Variants in SYNDIG1 observed in about 807,000 individuals in gnomAD.
The protein encoded by SYNDIG1 is synapse differentiation inducing 1.
A neutral mutation model predicts 19.4 loss-of-function variants in SYNDIG1; 9 were observed. That is an observed-to-expected ratio of 0.46 (90% CI 0.28 to 0.81). SYNDIG1 has a LOEUF of 0.81. SYNDIG1 is among the 30% of genes least tolerant of loss of function. The probability of loss-of-function intolerance (pLI) is 0.12; values close to 1 mark genes in which losing one functional copy is unlikely to be tolerated. For synonymous variants in SYNDIG1, 141 were observed against 145.9 expected (o/e 0.97, Z 0.24); for missense variants, 311 against 343.3 (o/e 0.91, Z 0.74).
intron 1 of SYNDIG1, among the ~76,000 whole-genome samples, chr20:24,541,998 C>T (rs1408524928): frequency 6.6e-6 from 1 of 151,932 alleles, no homozygotes; most frequent in Non-Finnish European, 1.5e-5. Context: ...TACCAGCAAA[C>T]GTGGAAGGAA....
intron 3 of SYNDIG1, among the ~76,000 whole-genome samples, chr20:24,617,942 G>A (rs1342411622): frequency 2.7e-5 from 4 of 146,728 alleles, no homozygotes; most frequent in South Asian, 2.2e-4. Flanking sequence ...GGAGTGGGGA[G>A]AGCCTGGGGA....
chr20:24,533,485 C>T (rs1273740640), intron 1 of SYNDIG1, among the ~76,000 whole-genome samples: 1 of 152,098 alleles, frequency 6.6e-6, no homozygotes, highest in Non-Finnish European at 1.5e-5. Flanking sequence ...GGCTTGTTGA[C>T]AATAGTCTGA....
At chr20:24,621,160 T>A (rs2059032347) in intron 3 of SYNDIG1, among the ~76,000 whole-genome samples, 1 of 152,262 alleles carries the variant, frequency 6.6e-6, no homozygotes, top group Non-Finnish European at 1.5e-5. Flanking sequence ...TGCAGCCTGA[T>A]GTTTTGTATG....
intron 3 of SYNDIG1, among the ~76,000 whole-genome samples, chr20:24,610,133 C>T (rs1467421968): frequency 6.6e-6 from 1 of 152,178 alleles, no homozygotes; most frequent in Non-Finnish European, 1.5e-5. Flanking sequence ...CAGGTGAAAA[C>T]ATGGAAATTG....
intron 1 of SYNDIG1, among the ~76,000 whole-genome samples, chr20:24,514,690 T>C (rs1219402185): frequency 6.6e-6 from 1 of 151,980 alleles, no homozygotes; most frequent in South Asian, 2.1e-4. Flanking sequence ...ACTTTAACAC[T>C]CCACTGTCAA....
chr20:24,638,981 C>T (rs534893787), intron 3 of SYNDIG1, among the ~76,000 whole-genome samples: 1 of 152,306 alleles, frequency 6.6e-6, no homozygotes, highest in South Asian at 2.1e-4. Context: ...CCTGCTGGGC[C>T]TCCCTGCCAG....
At chr20:24,571,820 T>G (rs938572215) in intron 2 of SYNDIG1, among the ~76,000 whole-genome samples, 2 of 152,224 alleles carry the variant, frequency 1.3e-5, no homozygotes, top group Admixed American at 6.5e-5. Flanking sequence ...CATTGACAGT[T>G]TTTTTGAAGA....
At chr20:24,660,254 A>T (rs957186933) in intron 3 of SYNDIG1, among the ~76,000 whole-genome samples, 1 of 152,244 alleles carries the variant, frequency 6.6e-6, no homozygotes, top group Admixed American at 6.5e-5. Context: ...ATAAATGTCC[A>T]CTCATTTACG....
intron 3 of SYNDIG1, among the ~76,000 whole-genome samples, chr20:24,597,983 A>G (rs1405161358): frequency 1.3e-5 from 2 of 152,204 alleles, no homozygotes; most frequent in East Asian, 1.9e-4. Flanking sequence ...TAATAAGCTG[A>G]CATCAATCGT....
chr20:24,475,915 C>A (rs2055609638), intron 1 of SYNDIG1, among the ~76,000 whole-genome samples: 2 of 150,606 alleles, frequency 1.3e-5, no homozygotes, highest in Non-Finnish European at 2.9e-5. Context: ...GGCTGGAGTG[C>A]AGTGGCACAA....
At chr20:24,491,258 C>CT (rs2056139434) in intron 1 of SYNDIG1, among the ~76,000 whole-genome samples, 1 of 152,190 alleles carries the variant, frequency 6.6e-6, no homozygotes, top group African/African-American at 2.4e-5. Context: ...TCGTGGAATA[C>CT]TTAATAAAAC....
chr20:24,617,621 C>G (rs1369680230), intron 3 of SYNDIG1, among the ~76,000 whole-genome samples: 1 of 152,186 alleles, frequency 6.6e-6, no homozygotes, highest in Non-Finnish European at 1.5e-5. Context: ...GCCGACCCAG[C>G]AAAGCCCGGG....
chr20:24,597,972 A>G (rs972951588), intron 3 of SYNDIG1, among the ~76,000 whole-genome samples: 6 of 152,218 alleles, frequency 3.9e-5, no homozygotes, highest in East Asian at 1.9e-4. Context: ...TTTGGGTTAT[A>G]TAATAAGCTG....
chr20:24,653,979 C>T (rs963862026), intron 3 of SYNDIG1, among the ~76,000 whole-genome samples: 2 of 152,214 alleles, frequency 1.3e-5, no homozygotes, highest in African/African-American at 4.8e-5. Flanking sequence ...CAGTCACATT[C>T]TGAGGTACTG....
intron 1 of SYNDIG1, among the ~76,000 whole-genome samples, chr20:24,504,472 A>C (rs1600460960): frequency 6.6e-6 from 1 of 152,248 alleles, no homozygotes; most frequent in South Asian, 2.1e-4. Flanking sequence ...CCAAGCCCAA[A>C]CAAGCCCGAC....
At chr20:24,590,353 G>A (rs1028543605) in intron 3 of SYNDIG1, among the ~76,000 whole-genome samples, 3 of 152,260 alleles carry the variant, frequency 2.0e-5, no homozygotes, top group Admixed American at 1.3e-4. Flanking sequence ...GCCAACAGGG[G>A]CAGACCCCGA....
At chr20:24,533,656 C>G (rs562076787) in intron 1 of SYNDIG1, among the ~76,000 whole-genome samples, 14 of 152,180 alleles carry the variant, frequency 9.2e-5, no homozygotes, top group African/African-American at 3.4e-4. Flanking sequence ...GTGTCAAACA[C>G]CAGCCTCCGA....
intron 2 of SYNDIG1, among the ~76,000 whole-genome samples, chr20:24,551,126 G>C (rs1192575470): frequency 6.6e-6 from 1 of 152,110 alleles, no homozygotes; most frequent in African/African-American, 2.4e-5. Flanking sequence ...GAAGGCATTT[G>C]GGCCTGGCCT....
At chr20:24,647,079 A>G (rs1051622490) in intron 3 of SYNDIG1, among the ~76,000 whole-genome samples, 10 of 152,242 alleles carry the variant, frequency 6.6e-5, no homozygotes, top group Admixed American at 2.0e-4. Context: ...TCTCGAGTTC[A>G]ATACAAGAGA....
Sources: allele counts gnomAD v4.1 joint callset (sites outside exome capture counted in the v4.1 genomes callset), GRCh38; gene constraint gnomAD v4.1.1; transcripts MANE v1.5; gene names NCBI Gene and HGNC (gene_info 2026-07-23, HGNC 2026-07-21).